The following TYR variants were observed in gnomAD, a reference collection of about 807,000 sequenced individuals.
TYR encodes the protein tyrosinase, also known as LB24-AB.
Under a neutral mutation model 51.5 loss-of-function variants are expected in TYR, and 58 were observed. The observed-to-expected ratio is 1.13, with a 90% CI of 0.91 to 1.40. The LOEUF (loss-of-function observed/expected upper bound fraction) is 1.40, where lower values mean the gene tolerates loss of function less well. TYR is among the 40% of genes most tolerant of loss of function. The pLI is 0.00. For synonymous variants in TYR, 263 were observed against 235.2 expected, an observed-to-expected ratio of 1.12 and a Z score of -1.08; for missense variants, 732 against 647.4, an observed-to-expected ratio of 1.13 and a Z score of -1.42.
At chr11:89,217,516 A>C (rs1943847466) in intron 2 of TYR, among the ~76,000 whole-genome samples, 1 of 152,190 alleles carries the variant, frequency 6.6e-6, no homozygotes, top group South Asian at 2.1e-4. Context: ...AGTGGCCCAC[A>C]TACCTTCTGC....
chr11:89,265,565 A>G (rs1439729123), intron 3 of TYR, among the ~76,000 whole-genome samples: 1 of 152,052 alleles, frequency 6.6e-6, no homozygotes, highest in Non-Finnish European at 1.5e-5. Context: ...TCACAAGTCC[A>G]TTTGGTTTAT....
At chr11:89,269,900 T>C (rs1420275641) in intron 3 of TYR, among the ~76,000 whole-genome samples, 2 of 151,880 alleles carry the variant, frequency 1.3e-5, no homozygotes, top group African/African-American at 4.8e-5. Flanking sequence ...CAAACCCAGG[T>C]AGATGCTCCA....
chr11:89,272,714 C>T (rs1173223634), intron 3 of TYR, among the ~76,000 whole-genome samples: 1 of 151,882 alleles, frequency 6.6e-6, no homozygotes, highest in South Asian at 2.1e-4. Flanking sequence ...ATTTGTCTAC[C>T]TTGAAATTTG....
At chr11:89,284,139 G>A (rs1000983028) in intron 3 of TYR, among the ~76,000 whole-genome samples, 1 of 151,772 alleles carries the variant, frequency 6.6e-6, no homozygotes, top group Non-Finnish European at 1.5e-5. Flanking sequence ...GCTTATTTGT[G>A]TCACTATCTC....
intron 4 of TYR, among the ~76,000 whole-genome samples, chr11:89,288,362 G>A (rs1382113486): frequency 6.6e-6 from 1 of 151,888 alleles, no homozygotes; most frequent in Non-Finnish European, 1.5e-5. Flanking sequence ...CTCCATCACT[G>A]CACAGAGAAG....
intron 2 of TYR, among the ~76,000 whole-genome samples, chr11:89,213,538 A>G (rs899929136): frequency 4.6e-5 from 7 of 152,232 alleles, no homozygotes; most frequent in Admixed American, 4.6e-4. Flanking sequence ...ATCCAATGCT[A>G]TCCCCATCAG....
intron 1 of TYR, among the ~76,000 whole-genome samples, 195 bp from the exon 2 acceptor site, chr11:89,191,007 T>G (rs529244063): frequency 6.6e-6 from 1 of 152,274 alleles, no homozygotes; most frequent in Admixed American, 6.5e-5. Flanking sequence ...GTACACTGAC[T>G]ATGATGTTCA....
chr11:89,193,089 A>G (rs539366309), intron 2 of TYR, among the ~76,000 whole-genome samples: 1 of 152,284 alleles, frequency 6.6e-6, no homozygotes, highest in African/African-American at 2.4e-5. Flanking sequence ...TCTAAGGTAC[A>G]CAATTTCAAA....
chr11:89,219,840 T>C (rs559702859), intron 2 of TYR, among the ~76,000 whole-genome samples: 3 of 152,252 alleles, frequency 2.0e-5, no homozygotes, highest in East Asian at 3.9e-4. Flanking sequence ...ACCAGCATGA[T>C]AGGGCCTTTT....
chr11:89,250,357 T>C (rs1944316275), intron 3 of TYR, among the ~76,000 whole-genome samples: 1 of 151,962 alleles, frequency 6.6e-6, no homozygotes. Context: ...CCCAAAGTTT[T>C]AGCACTATTA....
At chr11:89,288,488 G>A (rs1944819435) in intron 4 of TYR, among the ~76,000 whole-genome samples, 1 of 151,984 alleles carries the variant, frequency 6.6e-6, no homozygotes, top group Admixed American at 6.6e-5. Context: ...TCCTGGATGA[G>A]CCAGGGGAGA....
rs1565427033 is a variant in TYR at position 89,295,283 on chromosome 11, A to G, written c.1507A>G (p.Lys503Glu). The G allele has an allele frequency of 6.2e-7, 1 of 1,613,772 alleles. No homozygotes were observed. The highest frequency in any genetic ancestry group is 1.7e-5 in the Admixed American group (1 of 59,996). ...AGLVSLLCRH[K>E]RKQLPEEKQP... is the part of the protein sequence containing the mutation. Reference sequence around the variant, plus strand: ...GCTTGTGAGCTTGCTGTGTCGTCACAAGAGAAAGCAGCTTCCTGAAGAAAA... The same window carrying G: ...GCTTGTGAGCTTGCTGTGTCGTCACGAGAGAAAGCAGCTTCCTGAAGAAAA... The change falls in exon 5 of 5, where the codon AAG becomes GAG. Residue 503 changes from lysine (K) to glutamate (E), a missense_variant. By Grantham distance (56) the Lys-to-Glu change is moderately conservative. Coordinates refer to ENST00000263321, the MANE Select transcript of TYR (RefSeq NM_000372.5).
At chr11:89,195,416 C>G (rs148637289) in intron 2 of TYR, among the ~76,000 whole-genome samples, 1 of 152,066 alleles carries the variant, frequency 6.6e-6, no homozygotes. Context: ...TGGTGGCTCA[C>G]GCCTGTAAAC....
At chr11:89,205,896 A>T (rs575258576) in intron 2 of TYR, among the ~76,000 whole-genome samples, 2 of 152,320 alleles carry the variant, frequency 1.3e-5, no homozygotes, top group South Asian at 4.1e-4. Flanking sequence ...TGAACATAAG[A>T]TAAATATTTA....
intron 2 of TYR, among the ~76,000 whole-genome samples, chr11:89,195,103 TGAGAG>T (rs1318524495): frequency 6.6e-6 from 1 of 152,160 alleles, no homozygotes; most frequent in Non-Finnish European, 1.5e-5. Context: ...CAGTAGGACT[TGAGAG>T]GAGAGCAAAT....
At chr11:89,258,966 G>A (rs995952506) in intron 3 of TYR, among the ~76,000 whole-genome samples, 6 of 151,974 alleles carry the variant, frequency 3.9e-5, no homozygotes, top group East Asian at 1.9e-4. Context: ...CATACCTACC[G>A]GAATAGGTAA....
At chr11:89,289,746 T>C (rs530058590) in intron 4 of TYR, among the ~76,000 whole-genome samples, 7 of 152,002 alleles carry the variant, frequency 4.6e-5, no homozygotes, top group South Asian at 4.1e-4. Context: ...TAAATAGATA[T>C]AATTATAATA....
At chr11:89,281,299 C>T (rs991458017) in intron 3 of TYR, among the ~76,000 whole-genome samples, 26 of 151,674 alleles carry the variant, frequency 1.7e-4, no homozygotes, top group African/African-American at 6.3e-4. Flanking sequence ...ACAATTTCCC[C>T]TGGATCATAG....
intron 3 of TYR, among the ~76,000 whole-genome samples, chr11:89,245,268 G>T (rs1188282494): frequency 6.6e-6 from 1 of 152,078 alleles, no homozygotes; most frequent in African/African-American, 2.4e-5. Context: ...CAAAACTAAG[G>T]TTTATTGTGT....
Sources: gnomAD v4.1 joint callset for allele counts (sites outside exome capture counted in the v4.1 genomes callset) on GRCh38, gnomAD v4.1.1 for gene constraint, MANE v1.5 for transcripts, NCBI Gene and HGNC (gene_info 2026-07-23, HGNC 2026-07-21) for gene names.